Variants in AOX1 observed in about 807,000 individuals in gnomAD.
The protein encoded by AOX1 is aldehyde oxidase 1.
In AOX1, 153 loss-of-function variants were observed where a neutral mutation model predicts 169.5. The ratio of observed to expected loss-of-function variants is 0.90; its 90% CI spans 0.79 to 1.03. The LOEUF (loss-of-function observed/expected upper bound fraction) is 1.03. Ranked by LOEUF, AOX1 falls within the 50% of genes least tolerant of loss-of-function variation. The pLI is 0.00. For missense variants in AOX1, 1,656 were observed against 1,663.9 expected, an observed-to-expected ratio of 1.00 and a Z score of 0.08; for synonymous variants, 562 against 581.9, an observed-to-expected ratio of 0.97 and a Z score of 0.49.
At chr2:200,636,881 C>A in intron 21 of AOX1, 30 bp from the exon 22 acceptor site, 1 of 1,596,272 alleles carries the variant, frequency 6.3e-7, no homozygotes, top group South Asian at 1.1e-5. Context: ...GAAGATGGAT[C>A]AGATTAATCA....
chr2:200,673,403 G>A (rs1207098125), downstream of AOX1, among the ~76,000 whole-genome samples: 1 of 152,188 alleles, frequency 6.6e-6, no homozygotes, highest in African/African-American at 2.4e-5. Flanking sequence ...GAAATGATCT[G>A]AGGTGCTCTG....
intron 29 of AOX1, 131 bp downstream of exon 29, chr2:200,660,200 TA>T: frequency 1.4e-6 from 1 of 727,952 alleles, no homozygotes; most frequent in Non-Finnish European, 2.3e-6. Context: ...TAATGATAAA[TA>T]AAAGGCCCTT....
At chr2:200,661,493 C>T in intron 29 of AOX1, 86 bp from the exon 30 acceptor site, 2 of 1,061,176 alleles carry the variant, frequency 1.9e-6, no homozygotes, top group South Asian at 1.3e-5. Context: ...TTTTATTTAA[C>T]ACACAGGGTA....
intron 22 of AOX1, 158 bp from the exon 23 acceptor site, chr2:200,638,057 T>C (rs1357688771): frequency 6.6e-6 from 4 of 606,282 alleles, no homozygotes; most frequent in South Asian, 5.4e-5. Context: ...AAGCCCACGG[T>C]GTATGCCTGA....
chr2:200,657,928 A>G (rs2035727875), intron 27 of AOX1, among the ~76,000 whole-genome samples: 1 of 152,162 alleles, frequency 6.6e-6, no homozygotes, highest in African/African-American at 2.4e-5. Context: ...GCTTTTGTTT[A>G]ATTTTGTATT....
chr2:200,596,727 C>G (rs1270223914), intron 3 of AOX1, among the ~76,000 whole-genome samples: 1 of 152,176 alleles, frequency 6.6e-6, no homozygotes. Flanking sequence ...ACTGTATCTT[C>G]TCTCTTATGA....
intron 32 of AOX1, among the ~76,000 whole-genome samples, chr2:200,667,509 G>A (rs1486478017): frequency 6.7e-6 from 1 of 150,304 alleles, no homozygotes; most frequent in Non-Finnish European, 1.5e-5. Flanking sequence ...AATCTGTGGT[G>A]TGGAGAAGTC....
chr2:200,600,281 A>AT (rs2034382265), intron 5 of AOX1, among the ~76,000 whole-genome samples: 1 of 152,146 alleles, frequency 6.6e-6, no homozygotes, highest in Non-Finnish European at 1.5e-5. Context: ...TTATCTCCAC[A>AT]TGCTGCTCCC....
chr2:200,590,531 C>G (rs1261245783), intron 1 of AOX1, among the ~76,000 whole-genome samples: 1 of 152,048 alleles, frequency 6.6e-6, no homozygotes, highest in African/African-American at 2.4e-5. Context: ...TCTCTGCCCC[C>G]ACTTCCTCCA....
At chr2:200,668,488 A>T (rs571610948) in intron 32 of AOX1, 127 bp from the exon 33 acceptor site, 1 of 809,394 alleles carries the variant, frequency 1.2e-6, no homozygotes, top group African/African-American at 1.7e-5. Flanking sequence ...AACATGCTCC[A>T]AGACACCCTG....
chr2:200,588,726 C>CTTTTTGTTTTTTTTTTTTT, intron 1 of AOX1, among the ~76,000 whole-genome samples: 1 of 53,986 alleles, frequency 1.9e-5, no homozygotes, highest in Non-Finnish European at 3.9e-5. Flanking sequence ...CTAGAATAAG[C>CTTTTTGTTTTTTTTTTTTT]TTTTTTTTTT....
At chr2:200,658,617 G>A (rs141239198) in intron 27 of AOX1, among the ~76,000 whole-genome samples, 3 of 152,322 alleles carry the variant, frequency 2.0e-5, no homozygotes, top group South Asian at 2.1e-4. Flanking sequence ...GCTCTCTAGC[G>A]CTAAAAATAA....
At chr2:200,621,322 T>C (rs1006257854) in intron 18 of AOX1, 76 bp downstream of exon 18, 5 of 1,519,012 alleles carry the variant, frequency 3.3e-6, no homozygotes, top group East Asian at 2.3e-5. Context: ...AAAGATACCA[T>C]CTACTTTGGC....
chr2:200,607,676 A>C (rs530621673), intron 10 of AOX1, among the ~76,000 whole-genome samples: 1 of 152,354 alleles, frequency 6.6e-6, no homozygotes, highest in East Asian at 1.9e-4. Flanking sequence ...ACTTAGGTAT[A>C]TTGCAGCACT....
At chr2:200,619,969 T>G (rs932896286) in intron 16 of AOX1, among the ~76,000 whole-genome samples, 2 of 152,226 alleles carry the variant, frequency 1.3e-5, no homozygotes, top group Non-Finnish European at 2.9e-5. Context: ...AAAGTCATTT[T>G]GATAATAAAA....
rs867144952 is a variant in AOX1, at chr2:200,586,116, G to T, written c.8G>T (p.Arg3Leu). MD[R>L]ASELLFYVNG... is the part of the protein sequence containing the mutation. The stretch of plus-strand genomic sequence containing the variant: ...ACCAGCGCGGACACCACAATGGACC[G>T]GGCGTCCGAGCTGCTCTTCTACGTG... Residue 3 changes from arginine to leucine, a missense_variant, in exon 1 of 35, where the codon CGG becomes CTG. Arg to Leu is a moderately radical substitution (Grantham distance 102). Transcript: ENST00000374700. The T allele has an allele frequency of 6.4e-7, 1 of 1,561,586 alleles. No homozygotes were observed. Among genetic ancestry groups the T allele is most frequent in the East Asian group, 2.4e-5 (1 of 41,902 alleles).
intron 18 of AOX1, among the ~76,000 whole-genome samples, chr2:200,622,563 C>T (rs2034908113): frequency 6.6e-6 from 1 of 152,150 alleles, no homozygotes; most frequent in African/African-American, 2.4e-5. Flanking sequence ...TTGAAACTCC[C>T]CCAAAGCAGG....
downstream of AOX1, among the ~76,000 whole-genome samples, chr2:200,672,725 G>T (rs889966519): frequency 3.9e-5 from 6 of 152,200 alleles, no homozygotes; most frequent in South Asian, 6.2e-4. Flanking sequence ...AGTGGAGCAG[G>T]TTAAGGCCAA....
downstream of AOX1, chr2:200,681,244 TGCTACCTGA>T (rs2036150320): frequency 1.3e-5 from 2 of 152,460 alleles, no homozygotes; most frequent in African/African-American, 4.8e-5. Context: ...CACTTCCAGC[TGCTACCTGA>T]CAGGCTCTGG....
Sources: allele counts gnomAD v4.1 joint callset (sites outside exome capture counted in the v4.1 genomes callset), GRCh38; gene constraint gnomAD v4.1.1; transcripts MANE v1.5; gene names NCBI Gene and HGNC (gene_info 2026-07-23, HGNC 2026-07-21).